The following RASGRP3 variants were observed in gnomAD, a reference collection of about 807,000 sequenced individuals.
RASGRP3 encodes RAS guanyl releasing protein 3.
A neutral mutation model predicts 82.7 loss-of-function variants in RASGRP3; 54 were observed. The ratio of observed to expected loss-of-function variants is 0.65; its 90% confidence interval spans 0.52 to 0.82. The LOEUF (loss-of-function observed/expected upper bound fraction) is 0.82, where lower values mean the gene tolerates loss of function less well. Ranked by LOEUF, RASGRP3 falls within the 40% of genes least tolerant of loss-of-function variation. The pLI, the probability that RASGRP3 is intolerant of heterozygous loss-of-function variation, is 0.00. For synonymous variants in RASGRP3, 309 were observed against 300.5 expected (o/e 1.03, Z -0.29); for missense variants, 861 against 828.9 (o/e 1.04, Z -0.48).
At chr2:33,468,005 T>TTTCC (rs1666814918) in intron 2 of RASGRP3, among the ~76,000 whole-genome samples, 1 of 124,276 alleles carries the variant, frequency 8.0e-6, no homozygotes, top group Non-Finnish European at 1.5e-5. Flanking sequence ...TCTTTCTTTC[T>TTTCC]TTCTTTCTTT....
intron 13 of RASGRP3, among the ~76,000 whole-genome samples, chr2:33,544,696 T>G (rs183099402): frequency 7.9e-5 from 12 of 152,208 alleles, no homozygotes; most frequent in Admixed American, 7.9e-4. Flanking sequence ...TGAGAATTCT[T>G]AAAAAACGAA....
intron 2 of RASGRP3, among the ~76,000 whole-genome samples, chr2:33,460,919 A>G (rs1473971354): frequency 6.6e-6 from 1 of 152,226 alleles, no homozygotes; most frequent in South Asian, 2.1e-4. Context: ...TCTGGCCATT[A>G]GTTTGTAAGT....
At chr2:33,493,281 T>G (rs1669018458) in intron 1 of RASGRP3, 2 of 152,254 alleles carry the variant, frequency 1.3e-5, no homozygotes, top group Non-Finnish European at 2.9e-5. Flanking sequence ...CTATCCTTCT[T>G]GAGAAAGCTG....
At chr2:33,533,763 CTT>C (rs1299866766) in intron 10 of RASGRP3, 2 of 153,640 alleles carry the variant, frequency 1.3e-5, no homozygotes, top group African/African-American at 4.8e-5. Flanking sequence ...GGAGCAACTA[CTT>C]CACACTCAGC....
intron 1 of RASGRP3, among the ~76,000 whole-genome samples, chr2:33,438,749 T>C (rs1665060632): frequency 6.6e-6 from 1 of 152,204 alleles, no homozygotes; most frequent in South Asian, 2.1e-4. Flanking sequence ...TTTTAATTAA[T>C]TACATAGAAA....
chr2:33,444,887 AG>A (rs1665422882), intron 1 of RASGRP3, among the ~76,000 whole-genome samples: 1 of 152,240 alleles, frequency 6.6e-6, no homozygotes, highest in Non-Finnish European at 1.5e-5. Flanking sequence ...TTTTAGGTAT[AG>A]GAATAGATTC....
intron 14 of RASGRP3, among the ~76,000 whole-genome samples, chr2:33,553,573 A>G (rs1017690181): frequency 2.0e-5 from 3 of 152,052 alleles, no homozygotes; most frequent in African/African-American, 7.2e-5. Flanking sequence ...AGAGAAGCAA[A>G]CTAGATTATC....
At chr2:33,547,835 C>T (rs1674953975) in intron 13 of RASGRP3, among the ~76,000 whole-genome samples, 1 of 151,900 alleles carries the variant, frequency 6.6e-6, no homozygotes, top group Non-Finnish European at 1.5e-5. Flanking sequence ...GAAGGGGGAG[C>T]TGGAGAGGAA....
At chr2:33,562,581 T>C (rs939714019) in intron 17 of RASGRP3, 148 bp from the exon 18 acceptor site, 3 of 837,146 alleles carry the variant, frequency 3.6e-6, no homozygotes, top group African/African-American at 3.4e-5. Flanking sequence ...ACCTACATGA[T>C]CTCCTAATTC....
intron 1 of RASGRP3, among the ~76,000 whole-genome samples, chr2:33,510,945 T>C (rs1231847842): frequency 6.6e-6 from 1 of 152,190 alleles, no homozygotes; most frequent in Non-Finnish European, 1.5e-5. Context: ...CTGTTCTTAG[T>C]GTCCTAGGCA....
At chr2:33,558,361 G>A in intron 16 of RASGRP3, 25 bp downstream of exon 16, 1 of 1,612,306 alleles carries the variant, frequency 6.2e-7, no homozygotes, top group Non-Finnish European at 8.5e-7. Flanking sequence ...TTTCTTTGCT[G>A]CCATGGTCTC....
chr2:33,491,591 G>A (rs1668848660), intron 1 of RASGRP3, among the ~76,000 whole-genome samples: 1 of 152,194 alleles, frequency 6.6e-6, no homozygotes, highest in African/African-American at 2.4e-5. Flanking sequence ...ACACAAGATG[G>A]TGTAGAGATT....
At chr2:33,458,040 G>C (rs556608882) in intron 2 of RASGRP3, 16 of 152,284 alleles carry the variant, frequency 1.1e-4, no homozygotes, top group African/African-American at 3.1e-4. Flanking sequence ...ACCCTGGGGA[G>C]GTTGTGAAAT....
intron 2 of RASGRP3, among the ~76,000 whole-genome samples, chr2:33,461,145 G>C (rs1666341261): frequency 6.6e-6 from 1 of 152,156 alleles, no homozygotes; most frequent in African/African-American, 2.4e-5. Flanking sequence ...CTCTCAATTT[G>C]AGAAGTTTTA....
At chr2:33,453,699 C>G (rs572815624) in intron 2 of RASGRP3, among the ~76,000 whole-genome samples, 45 of 152,270 alleles carry the variant, frequency 3.0e-4, no homozygotes, top group African/African-American at 1.0e-3. Context: ...TCAGCATGAG[C>G]AAGGACTACA....
At chr2:33,520,408 T>G (rs1671912499) in intron 5 of RASGRP3, 145 bp from the exon 6 acceptor site, 1 of 1,081,858 alleles carries the variant, frequency 9.2e-7, no homozygotes, top group African/African-American at 1.6e-5. Context: ...GATGGGGTTT[T>G]GGAGACAGGA....
At chr2:33,540,615 T>TC (rs1674203193) in intron 12 of RASGRP3, among the ~76,000 whole-genome samples, 1 of 121,734 alleles carries the variant, frequency 8.2e-6, no homozygotes, top group South Asian at 2.8e-4. Context: ...TCTGGGGAAT[T>TC]TCTCTCTCTC....
At chr2:33,562,650 T>C in intron 17 of RASGRP3, 79 bp from the exon 18 acceptor site, 1 of 1,523,550 alleles carries the variant, frequency 6.6e-7, no homozygotes, top group Non-Finnish European at 9.1e-7. Flanking sequence ...CAAAGTCATC[T>C]GAAAAACTGC....
Position 33,558,329 on chromosome 2 carries a change from GC to G in RASGRP3, c.1703del (p.Pro568GlnfsTer19). On this transcript the variant is annotated frameshift_variant, in exon 16 of 18. Transcript: ENST00000403687. LOFTEE classifies it high-confidence loss of function. ...HGSLPGSPSL[P>X]PAQDEVFEFP... The stretch of plus-strand genomic sequence containing the variant: ...GGTCACTGCCTGGAAGCCCCTCGCT[GC>G]CCCCAGGTAATGCCCTCTGCTTTCT... 1 of 1,613,338 alleles carries G rather than the reference GC, an allele frequency of 6.2e-7. No individual in the cohort carries two copies. The highest frequency in any genetic ancestry group is 8.5e-7 in the Non-Finnish European group (1 of 1,179,868).
Sources: allele counts gnomAD v4.1 joint callset (sites outside exome capture counted in the v4.1 genomes callset), GRCh38; gene constraint gnomAD v4.1.1; transcripts MANE v1.5; gene names NCBI Gene and HGNC (gene_info 2026-07-23, HGNC 2026-07-21).